The following ERMAP variants were observed in gnomAD, a reference collection of about 807,000 sequenced individuals.
ERMAP encodes erythroblast membrane associated protein (Scianna blood group), also known as erythroid membrane-associated protein.
In ERMAP, 34 loss-of-function variants were observed where a neutral mutation model predicts 49.5. That is an observed-to-expected ratio of 0.69 (90% CI 0.52 to 0.91). The LOEUF (loss-of-function observed/expected upper bound fraction) is 0.91, where lower values mean the gene tolerates loss of function less well. Among genes scored for constraint, ERMAP ranks in the 40% least tolerant of loss-of-function variants. The pLI is 0.00. For synonymous variants in ERMAP, 214 were observed against 232.2 expected (o/e 0.92, Z 0.71); for missense variants, 541 against 582.6 (o/e 0.93, Z 0.74).
intron 1 of ERMAP, among the ~76,000 whole-genome samples, chr1:42,820,794 C>T (rs965227976): frequency 6.6e-6 from 1 of 152,156 alleles, no homozygotes; most frequent in Non-Finnish European, 1.5e-5. Context: ...TCTTCTGCTT[C>T]CTAGATTGTC....
At chr1:42,834,211 CTCTT>C (rs1466360319) in intron 4 of ERMAP, among the ~76,000 whole-genome samples, 1 of 152,206 alleles carries the variant, frequency 6.6e-6, no homozygotes, top group Non-Finnish European at 1.5e-5. Flanking sequence ...CCTCTATTTC[CTCTT>C]TCTTTTCCCC....
intron 7 of ERMAP, 119 bp downstream of exon 7, chr1:42,837,309 A>G: frequency 9.4e-7 from 1 of 1,060,878 alleles, no homozygotes. Context: ...ACATGCACAC[A>G]TATATCCTCC....
chr1:42,833,678 A>G (rs937037428), intron 4 of ERMAP, among the ~76,000 whole-genome samples: 2 of 152,120 alleles, frequency 1.3e-5, no homozygotes, highest in Non-Finnish European at 1.5e-5. Flanking sequence ...TACTTCTGGC[A>G]GTAGAATTAA....
At chr1:42,831,176 C>G in intron 4 of ERMAP, 61 bp downstream of exon 4, 1 of 1,546,002 alleles carries the variant, frequency 6.5e-7, no homozygotes, top group African/African-American at 1.4e-5. Context: ...TTAATCAGGA[C>G]CTACTTTGTC....
intron 11 of ERMAP, among the ~76,000 whole-genome samples, chr1:42,840,590 CTTT>C (rs776052496): frequency 2.3e-4 from 35 of 151,966 alleles, no homozygotes; most frequent in Non-Finnish European, 3.7e-4. Context: ...TGTATTTCTT[CTTT>C]GTGTGACTTG....
chr1:42,840,069 T>G lies in ERMAP; in HGVS notation c.658+16T>G, dbSNP rs1393430504. ...AGTGAACTGAGTAAGTTTCCCATGTTCTTGTAACTTCCGTACCAACTTATC... is the reference window on the plus strand; with the variant it reads ...AGTGAACTGAGTAAGTTTCCCATGTGCTTGTAACTTCCGTACCAACTTATC... On this transcript the variant is annotated intron_variant, in intron 9 of 11. Transcript: ENST00000372517. 6.2e-6 allele frequency: 10 copies of G among 1,614,076 alleles called. No homozygotes were observed. The Middle Eastern group carries it at 8.2e-4, about 133-fold the overall frequency.
chr1:42,839,564 T>G, intron 8 of ERMAP: 1 of 177,054 alleles, frequency 5.6e-6, no homozygotes, highest in South Asian at 1.3e-4. Flanking sequence ...GAGCCGAGAT[T>G]GCACTATTGT....
rs865897030 is a variant in ERMAP at position 42,830,818 on chromosome 1, G to T, written c.136G>T (p.Ala46Ser). The change falls in exon 4 of 12, where the codon GCC becomes TCC. Residue 46 changes from alanine to serine, a missense_variant. Ala to Ser is a moderately conservative substitution (Grantham distance 99). Coordinates refer to ENST00000372517, the MANE Select transcript of ERMAP (RefSeq NM_001017922.2). The part of the protein sequence containing the change: ...KFHVALLGGT[A>S]ELLCPLSLWP... ...CCACGTGGCCCTACTAGGGGGCACA[G>T]CCGAGCTGCTCTGCCCTCTCTCCCT... is the stretch of plus-strand genomic sequence containing the variant. 6.3e-7 allele frequency: 1 copy of T among 1,584,002 alleles called. No homozygotes were observed. Among genetic ancestry groups the T allele is most frequent in the Non-Finnish European group, 8.6e-7 (1 of 1,165,564 alleles).
At chr1:42,840,074 TA>T (rs1403573872) in intron 9 of ERMAP, 21 bp downstream of exon 9, 6 of 1,614,086 alleles carry the variant, frequency 3.7e-6, no homozygotes, top group Non-Finnish European at 5.1e-6. Flanking sequence ...CATGTTCTTG[TA>T]ACTTCCGTAC....
At chr1:42,834,277 C>T (rs1452381023) in intron 4 of ERMAP, among the ~76,000 whole-genome samples, 1 of 149,266 alleles carries the variant, frequency 6.7e-6, no homozygotes, top group Admixed American at 6.6e-5. Context: ...ATAGAAATTG[C>T]TTTGCCCCCG....
Position 42,830,501 on chromosome 1 carries a change from T to C in ERMAP, c.53T>C (p.Leu18Pro). 6.2e-7 allele frequency: 1 copy of C among 1,614,136 alleles called. No homozygotes were observed. The highest frequency in any genetic ancestry group is 2.2e-5 in the East Asian group (1 of 44,874). Residue 18 changes from leucine (L) to proline (P), a missense_variant, in exon 3 of 12, where the codon CTC becomes CCC. By Grantham distance (98) the Leu-to-Pro change is moderately conservative. Transcript: ENST00000372517. ...GSWLSGCLIP[L>P]VFLRLSVHVS... is the part of the protein sequence containing the mutation. ...TGGCTCTCTGGCTGCCTCATCCCTC[T>C]CGTCTTCCTCCGGCTGTCTGTGCAT...
rs200590864 is a variant in ERMAP at position 42,843,185 on chromosome 1, C to T, written c.1381C>T (p.Pro461Ser). The T allele has an allele frequency of 1.2e-6, 2 of 1,610,232 alleles. No homozygotes were observed. Among genetic ancestry groups the T allele is most frequent in the Non-Finnish European group, 1.7e-6 (2 of 1,178,452 alleles). ...ELKDIILSLPPDLGPALQELK... is the reference protein window; with the variant it reads ...ELKDIILSLPSDLGPALQELK... ...GAAGGATATAATCCTGTCCTTGCCC[C>T]CTGACCTTGGCCCAGCCCTTCAGGA... The change falls in exon 12 of 12, where the codon CCT becomes TCT. Residue 461 changes from proline to serine, a missense_variant. Physicochemically the swap from Pro to Ser is moderately conservative, Grantham distance 74. Transcript: ENST00000372517.
At chr1:42,840,239 A>C (rs756640881) in intron 10 of ERMAP, 31 bp from the exon 11 acceptor site, 5 of 1,614,174 alleles carry the variant, frequency 3.1e-6, no homozygotes, top group Non-Finnish European at 4.2e-6. Context: ...TGTCTCTGGT[A>C]CTTTAATGAT....
At chr1:42,826,371 T>C (rs1025915839) in intron 2 of ERMAP, among the ~76,000 whole-genome samples, 1 of 144,662 alleles carries the variant, frequency 6.9e-6, no homozygotes, top group East Asian at 1.9e-4. Context: ...TTGTTACTCA[T>C]GAAATTGGCA....
At chr1:42,820,045 G>A (rs1654366040) in intron 1 of ERMAP, among the ~76,000 whole-genome samples, 2 of 152,102 alleles carry the variant, frequency 1.3e-5, no homozygotes, top group Admixed American at 1.3e-4. Context: ...GTCTAAAAAT[G>A]GCTTTATTTT....
At position 42,842,853 on chromosome 1, in the gene ERMAP, G is replaced by A. The variant is rs114373797; in HGVS notation, c.1049G>A (p.Arg350His). 306 of 1,614,100 alleles carry A rather than the reference G, an allele frequency of 1.9e-4. 1 individual carries two copies. The highest frequency in any genetic ancestry group is 1.3e-3 in the East Asian group (60 of 44,886). Residue 350 changes from arginine to histidine, a missense_variant, in exon 12 of 12, where the codon CGC becomes CAC. Coordinates refer to ENST00000372517, the MANE Select transcript of ERMAP (RefSeq NM_001017922.2). ...CTCACATCCCCGCAGACCTCCTTCC[G>A]CCTTAAAGAGCCTCCACGGTGTGTG... ...EALTSPQTSF[R>H]LKEPPRCVGI...
chr1:42,841,314 G>T (rs1439718381), intron 11 of ERMAP, among the ~76,000 whole-genome samples: 1 of 152,180 alleles, frequency 6.6e-6, no homozygotes, highest in Admixed American at 6.5e-5. Flanking sequence ...GAAGGAAGGA[G>T]ACTCACTGTG....
rs1655126968 is a variant in ERMAP at position 42,843,455 on chromosome 1, A to T, written c.*223A>T. On this transcript the variant is annotated 3_prime_UTR_variant, in exon 12 of 12. Coordinates refer to ENST00000372517, the MANE Select transcript of ERMAP (RefSeq NM_001017922.2). ...AGTGACCTGGAGGGAGGATTCCTGG[A>T]AACCAAACAATCAGTTTAGGTGCAG... 2.2e-6 allele frequency: 1 copy of T among 458,148 alleles called. No individual in the cohort carries two copies. Among genetic ancestry groups the T allele is most frequent in the African/African-American group, 2.0e-5 (1 of 50,272 alleles). The allele number at this position is 458,148 out of a possible 1,614,324, so 28.4% of individuals were successfully genotyped here. A position where few individuals can be genotyped will look rare whatever the true frequency, so the allele number is the denominator to read the frequency against.
At chr1:42,835,195 G>T (rs1393131514) in intron 5 of ERMAP, 41 bp downstream of exon 5, 2 of 851,850 alleles carry the variant, frequency 2.3e-6, no homozygotes, top group South Asian at 1.3e-5. Context: ...TGGGAAGTGG[G>T]ACTATGACTG....
Sources: gnomAD v4.1 joint callset for allele counts (sites outside exome capture counted in the v4.1 genomes callset) on GRCh38, gnomAD v4.1.1 for gene constraint, MANE v1.5 for transcripts, NCBI Gene and HGNC (gene_info 2026-07-23, HGNC 2026-07-21) for gene names.